Variants in MINDY2 observed in about 807,000 individuals in gnomAD.
The protein encoded by MINDY2 is ubiquitin carboxyl-terminal hydrolase MINDY-2.
In MINDY2, 52 loss-of-function variants were observed where a neutral mutation model predicts 68.2. The ratio of observed to expected loss-of-function variants is 0.76; its 90% CI spans 0.61 to 0.96. The LOEUF is 0.96. MINDY2 is among the 40% of genes least tolerant of loss of function. The pLI is 0.00. For missense variants in MINDY2, 881 were observed against 773.4 expected (o/e 1.14, Z -1.65); for synonymous variants, 372 against 303.0 (o/e 1.23, Z -2.36).
chr15:58,812,062 G>A (rs1204306916), intron 4 of MINDY2, among the ~76,000 whole-genome samples: 1 of 152,142 alleles, frequency 6.6e-6, no homozygotes, highest in African/African-American at 2.4e-5. Flanking sequence ...TTGTTTTATG[G>A]TATGAGGTGA....
intron 6 of MINDY2, among the ~76,000 whole-genome samples, chr15:58,841,809 G>A (rs527491900): frequency 2.0e-5 from 3 of 152,258 alleles, no homozygotes; most frequent in African/African-American, 7.2e-5. Context: ...ATAGTGAGAT[G>A]ACTATTTATC....
At chr15:58,838,689 C>T (rs1275268007) in intron 6 of MINDY2, among the ~76,000 whole-genome samples, 3 of 141,638 alleles carry the variant, frequency 2.1e-5, no homozygotes, top group Admixed American at 7.7e-5. Context: ...CAGGTTCAAG[C>T]GATTGTCCTG....
chr15:58,786,316 A>T (rs566491198), intron 1 of MINDY2, among the ~76,000 whole-genome samples: 1 of 152,236 alleles, frequency 6.6e-6, no homozygotes, highest in Non-Finnish European at 1.5e-5. Context: ...AAGAATTTTT[A>T]ACAATGTTAC....
At chr15:58,835,260 TGTGA>T (rs575643054) in intron 6 of MINDY2, among the ~76,000 whole-genome samples, 21 of 152,326 alleles carry the variant, frequency 1.4e-4, no homozygotes, top group Admixed American at 2.6e-4. Context: ...TATCACAAGC[TGTGA>T]GTGTTTTTAT....
Position 58,771,653 on chromosome 15 carries a change from C to G in MINDY2, c.258C>G (p.Asp86Glu). The G allele has an allele frequency of 1.9e-6, 3 of 1,612,578 alleles. No homozygotes were observed. Among genetic ancestry groups the G allele is most frequent in the Non-Finnish European group, 1.7e-6 (2 of 1,179,912 alleles). ...PGPCSSSAGL[D>E]LKDSGLESPA... ...CCTGCAGCTCCTCCGCGGGTTTGGACTTGAAGGACAGTGGTTTGGAGAGTC... is the reference window on the plus strand; with the variant it reads ...CCTGCAGCTCCTCCGCGGGTTTGGAGTTGAAGGACAGTGGTTTGGAGAGTC... Residue 86 changes from aspartate (D) to glutamate (E), a missense_variant, in exon 1 of 9, where the codon GAC becomes GAG. By Grantham distance (45) the Asp-to-Glu change is conservative. Coordinates refer to ENST00000559228, the MANE Select transcript of MINDY2 (RefSeq NM_001040450.3).
At chr15:58,787,439 A>G (rs1400422694) in intron 1 of MINDY2, among the ~76,000 whole-genome samples, 1 of 151,934 alleles carries the variant, frequency 6.6e-6, no homozygotes, top group South Asian at 2.1e-4. Context: ...AGAATAATAC[A>G]GTAAAGACTG....
intron 4 of MINDY2, among the ~76,000 whole-genome samples, chr15:58,811,780 C>G (rs1163176185): frequency 6.6e-6 from 1 of 152,104 alleles, no homozygotes; most frequent in Non-Finnish European, 1.5e-5. Flanking sequence ...AGAGGTTAGT[C>G]TCCCGAATAG....
intron 2 of MINDY2, among the ~76,000 whole-genome samples, chr15:58,788,981 C>T (rs1433525995): frequency 6.6e-6 from 1 of 152,090 alleles, no homozygotes; most frequent in African/African-American, 2.4e-5. Context: ...CACTGCACTC[C>T]AGCCTGGGTG....
chr15:58,808,045 C>G (rs189704809), intron 3 of MINDY2, among the ~76,000 whole-genome samples: 1 of 152,110 alleles, frequency 6.6e-6, no homozygotes, highest in East Asian at 1.9e-4. Context: ...TCCCTCACTC[C>G]CTTCCTTCCA....
chr15:58,841,011 T>C (rs1442222050), intron 6 of MINDY2, among the ~76,000 whole-genome samples: 12 of 149,836 alleles, frequency 8.0e-5, no homozygotes, highest in African/African-American at 3.0e-4. Context: ...TGAGACACTT[T>C]CATTCTGTCA....
At chr15:58,788,175 A>G (rs1488607595) in intron 2 of MINDY2, among the ~76,000 whole-genome samples, 1 of 152,238 alleles carries the variant, frequency 6.6e-6, no homozygotes, top group Non-Finnish European at 1.5e-5. Context: ...TGTAATACCC[A>G]TAAGGAATCT....
chr15:58,789,123 G>A (rs765136759), intron 2 of MINDY2, among the ~76,000 whole-genome samples: 1 of 152,232 alleles, frequency 6.6e-6, no homozygotes, highest in Admixed American at 6.5e-5. Context: ...CGATCACAAG[G>A]TCAGGAGATC....
intron 2 of MINDY2, among the ~76,000 whole-genome samples, chr15:58,793,526 A>G (rs1266264467): frequency 6.6e-6 from 1 of 152,220 alleles, no homozygotes; most frequent in Non-Finnish European, 1.5e-5. Context: ...CTGTGAATAT[A>G]CAACAAAAAA....
rs1272322556 is a variant in MINDY2 at position 58,771,635 on chromosome 15, C to T, written c.240C>T (p.Ser80=). 1 of 1,612,448 alleles carries T rather than the reference C, an allele frequency of 6.2e-7. No individual in the cohort carries two copies. Among genetic ancestry groups the T allele is most frequent in the Admixed American group, 1.7e-5 (1 of 60,010 alleles). The change falls in exon 1 of 9, where the codon AGC becomes AGT. Residue 80 remains serine (S), a synonymous_variant. Coordinates refer to ENST00000559228, the MANE Select transcript of MINDY2 (RefSeq NM_001040450.3). ...CTCCTGAGGTTCCCGGACCCTGCAG[C>T]TCCTCCGCGGGTTTGGACTTGAAGG... The part of the protein sequence containing the change: ...AGSPEVPGPC[S]SSAGLDLKDS...
At chr15:58,813,599 G>GTGTT (rs1342536580) in intron 4 of MINDY2, among the ~76,000 whole-genome samples, 7 of 152,180 alleles carry the variant, frequency 4.6e-5, no homozygotes, top group East Asian at 1.9e-4. Context: ...GTTGGTTTGT[G>GTGTT]TGTTTGTTTG....
At chr15:58,832,039 G>A (rs1418904638) in intron 6 of MINDY2, 123 bp downstream of exon 6, 5 of 845,232 alleles carry the variant, frequency 5.9e-6, no homozygotes, top group Non-Finnish European at 6.9e-6. Flanking sequence ...ATCAAATTAT[G>A]AAGGTAATTA....
intron 6 of MINDY2, among the ~76,000 whole-genome samples, chr15:58,841,672 T>C (rs1460512830): frequency 6.6e-6 from 1 of 152,252 alleles, no homozygotes; most frequent in Admixed American, 6.5e-5. Flanking sequence ...CCCAGAGTGC[T>C]GGGATTACAG....
At chr15:58,841,929 A>G (rs1211464117) in intron 6 of MINDY2, among the ~76,000 whole-genome samples, 1 of 152,002 alleles carries the variant, frequency 6.6e-6, no homozygotes, top group Non-Finnish European at 1.5e-5. Flanking sequence ...TATGATCATG[A>G]CTGTTGGATT....
At chr15:58,825,240 A>C (rs2141006793) in intron 5 of MINDY2, among the ~76,000 whole-genome samples, 1 of 152,350 alleles carries the variant, frequency 6.6e-6, no homozygotes, top group Admixed American at 6.5e-5. Flanking sequence ...GCAAATAATC[A>C]AATAGAGTTA....
Sources: allele counts gnomAD v4.1 joint callset (sites outside exome capture counted in the v4.1 genomes callset), GRCh38; gene constraint gnomAD v4.1.1; transcripts MANE v1.5; gene names NCBI Gene and HGNC (gene_info 2026-07-23, HGNC 2026-07-21).